GLDC: variants seen among roughly 807,000 people sequenced by gnomAD.
The protein encoded by GLDC is glycine decarboxylase, also known as glycine dehydrogenase (decarboxylating), mitochondrial.
A neutral mutation model predicts 121.3 loss-of-function variants in GLDC; 104 were observed. The observed-to-expected ratio is 0.86, with a 90% CI of 0.73 to 1.01. GLDC has a LOEUF of 1.01. Ranked by LOEUF, GLDC falls within the 50% of genes least tolerant of loss-of-function variation. The probability of loss-of-function intolerance (pLI) is 0.00; values close to 1 mark genes in which losing one functional copy is unlikely to be tolerated. For synonymous variants in GLDC, 546 were observed against 480.6 expected (o/e 1.14, Z -1.78); for missense variants, 1,429 against 1,306.6 (o/e 1.09, Z -1.44).
Position 6,532,873 on chromosome 9 carries a change from C to A in GLDC, c.*144G>T, listed in dbSNP as rs1265217965. 4.0e-6 allele frequency: 3 copies of A among 747,074 alleles called. No homozygotes were observed. The highest frequency in any genetic ancestry group is 1.7e-5 in the African/African-American group (1 of 58,106). 46.3% of individuals were successfully genotyped at this position (747,074 alleles called of 1,614,324 possible). A position where few individuals can be genotyped will look rare whatever the true frequency, so the allele number is the denominator to read the frequency against. On this transcript the variant is annotated 3_prime_UTR_variant, in exon 25 of 25. Coordinates refer to ENST00000321612, the MANE Select transcript of GLDC (RefSeq NM_000170.3). ...CGACTCCCTCCAGCTACTGTATTTA[C>A]ATTTACCTTGACAGAGATTACAGAG...
rs531554185 is a variant in GLDC at position 6,645,122 on chromosome 9, G to A, written c.255+123C>T. The A allele has an allele frequency of 1.2e-5, 12 of 1,001,736 alleles. No individual in the cohort carries two copies. In the South Asian group the frequency reaches 1.9e-4, roughly 16 times the overall value. 62.1% of individuals were successfully genotyped at this position (1,001,736 alleles called of 1,614,324 possible). On this transcript the variant is annotated intron_variant, in intron 1 of 24. Coordinates refer to ENST00000321612, the MANE Select transcript of GLDC (RefSeq NM_000170.3). ...GAATTTGCTTCCACGCCACGGCCCG[G>A]GACCCAGGGTGCGGGGACCACGCGG...
In GLDC at chr9:6,532,948, A is replaced by C; in HGVS notation, c.*69T>G. 8.8e-7 allele frequency: 1 copy of C among 1,142,824 alleles called. No homozygotes were observed. Among genetic ancestry groups the C allele is most frequent in the South Asian group, 1.2e-5 (1 of 81,246 alleles). 70.8% of individuals were successfully genotyped at this position (1,142,824 alleles called of 1,614,324 possible). On this transcript the variant is annotated 3_prime_UTR_variant, in exon 25 of 25. Transcript: ENST00000321612. ...ACTTGAGGCTGGGGTGGGAGATGAAATCTTTCTTGCTTATCAAATGCTCTG... is the reference window on the plus strand; with the variant it reads ...ACTTGAGGCTGGGGTGGGAGATGAACTCTTTCTTGCTTATCAAATGCTCTG...
At chr9:6,604,035 T>A (rs535336353) in intron 7 of GLDC, among the ~76,000 whole-genome samples, 6 of 151,992 alleles carry the variant, frequency 3.9e-5, no homozygotes, top group Non-Finnish European at 8.8e-5. Flanking sequence ...GCCCTTTTTT[T>A]CTTTTCTTTT....
chr9:6,582,066 C>T (rs1453776556), intron 15 of GLDC, among the ~76,000 whole-genome samples: 1 of 148,906 alleles, frequency 6.7e-6, no homozygotes, highest in African/African-American at 2.5e-5. Context: ...AATACAAAAA[C>T]TAGTCAGGTG....
chr9:6,543,720 C>A (rs1324277027), intron 21 of GLDC, among the ~76,000 whole-genome samples: 1 of 152,170 alleles, frequency 6.6e-6, no homozygotes, highest in African/African-American at 2.4e-5. Flanking sequence ...ATGTTCTTTG[C>A]AGCTTTTAGG....
chr9:6,569,850 T>C (rs1298496989), intron 15 of GLDC, among the ~76,000 whole-genome samples: 1 of 151,474 alleles, frequency 6.6e-6, no homozygotes, highest in Non-Finnish European at 1.5e-5. Context: ...GTGGTGTGCA[T>C]CTGTAATCCC....
chr9:6,582,640 T>C (rs1162844283), intron 15 of GLDC, among the ~76,000 whole-genome samples: 4 of 151,458 alleles, frequency 2.6e-5, no homozygotes, highest in African/African-American at 7.3e-5. Context: ...CCATCCTGGC[T>C]AACACGGTGA....
chr9:6,584,960 G>T (rs1818239642), intron 15 of GLDC: 1 of 152,244 alleles, frequency 6.6e-6, no homozygotes, highest in Non-Finnish European at 1.5e-5. Flanking sequence ...GGGAAAAACA[G>T]CGGAGAAATG....
At chr9:6,628,328 A>AT (rs921925315) in intron 2 of GLDC, among the ~76,000 whole-genome samples, 7 of 152,078 alleles carry the variant, frequency 4.6e-5, no homozygotes, top group African/African-American at 1.7e-4. Flanking sequence ...AGAAAACTAG[A>AT]TTTTCCCCCC....
chr9:6,639,311 A>G (rs879283300), intron 2 of GLDC: 26 of 928,552 alleles, frequency 2.8e-5, no homozygotes, highest in Middle Eastern at 2.5e-4. Flanking sequence ...CTCCAGAGAC[A>G]GCCCAAATAT....
rs150365649 is a variant in GLDC, at chr9:6,639,669, GTATATA to G, written c.334+4939_334+4944del. ...TATATCTTTTCACCATAAAAAAAAA[GTATATA>G]TATATATATATATGGACAAAACAGA... is the stretch of plus-strand genomic sequence containing the variant. On this transcript the variant is annotated intron_variant, in intron 2 of 24. Coordinates refer to ENST00000321612, the MANE Select transcript of GLDC (RefSeq NM_000170.3). 91 of 227,286 alleles carry G rather than the reference GTATATA, an allele frequency of 4.0e-4. 7 individuals carry two copies. The highest frequency in any genetic ancestry group is 2.0e-3 in the African/African-American group (61 of 30,690). The allele number at this position is 227,286 out of a possible 1,614,324, so 14.1% of individuals were successfully genotyped here.
At chr9:6,643,542 T>A (rs1036062147) in intron 2 of GLDC, among the ~76,000 whole-genome samples, 4 of 151,266 alleles carry the variant, frequency 2.6e-5, no homozygotes, top group Non-Finnish European at 4.4e-5. Context: ...AGATTTTTTT[T>A]AAGAGCTCAG....
intron 15 of GLDC, among the ~76,000 whole-genome samples, chr9:6,568,462 T>C (rs1233363756): frequency 6.6e-6 from 1 of 152,140 alleles, no homozygotes; most frequent in Non-Finnish European, 1.5e-5. Context: ...AATGAAGTAG[T>C]GAATGGTCTG....
intron 14 of GLDC, among the ~76,000 whole-genome samples, 173 bp downstream of exon 14, chr9:6,588,228 G>A (rs958879652): frequency 1.3e-5 from 2 of 152,068 alleles, no homozygotes; most frequent in African/African-American, 2.4e-5. Context: ...TGATGAAGTC[G>A]TGAGAAATAC....
At position 6,550,820 on chromosome 9, in the gene GLDC, A is replaced by G. The variant is rs753948580; in HGVS notation, c.2552T>C (p.Leu851Pro). The stretch of plus-strand genomic sequence containing the variant: ...ATACTTGCCTCTTGCACCCCTGAAA[A>G]GAATTCTGTAGTGTGTTTCTAATCG... ...AKRLETHYRI[L>P]FRGARGYVGH... The change falls in exon 21 of 25, where the codon CTT becomes CCT. Residue 851 changes from leucine (L) to proline (P), a missense_variant. Coordinates refer to ENST00000321612, the MANE Select transcript of GLDC (RefSeq NM_000170.3). 13 of 1,611,374 alleles carry G rather than the reference A, an allele frequency of 8.1e-6. No individual in the cohort carries two copies. The highest frequency in any genetic ancestry group is 3.4e-6 in the Non-Finnish European group (4 of 1,177,612).
rs577906178 is a variant in GLDC at position 6,556,145 on chromosome 9, G to T, written c.2202+8C>A. 4.3e-6 allele frequency: 7 copies of T among 1,609,454 alleles called. No individual in the cohort carries two copies. The African/African-American group carries it at 8.0e-5, about 18-fold the overall frequency. ...TGGGAACTAAGGGCGGGCCTCTTCA[G>T]TTCCCACCTGAGCATTCATATTTGC... On this transcript the variant is annotated splice_region_variant and intron_variant, in intron 18 of 24. Coordinates refer to ENST00000321612, the MANE Select transcript of GLDC (RefSeq NM_000170.3).
chr9:6,575,294 C>T (rs1179299185), intron 15 of GLDC, among the ~76,000 whole-genome samples: 1 of 151,932 alleles, frequency 6.6e-6, no homozygotes, highest in Non-Finnish European at 1.5e-5. Flanking sequence ...CTGGTTTGTG[C>T]AGTAGGTAGG....
chr9:6,588,241 G>A (rs917109605), intron 14 of GLDC, among the ~76,000 whole-genome samples, 160 bp downstream of exon 14: 1 of 151,982 alleles, frequency 6.6e-6, no homozygotes, highest in African/African-American at 2.4e-5. Context: ...AGAAATACAG[G>A]GTTACTCCCA....
intron 16 of GLDC, among the ~76,000 whole-genome samples, chr9:6,559,806 C>T (rs986092276): frequency 6.6e-6 from 1 of 151,702 alleles, no homozygotes; most frequent in Non-Finnish European, 1.5e-5. Context: ...CAGAGCAAGA[C>T]TCCGTCTCAA....
Sources: gnomAD v4.1 joint callset for allele counts (sites outside exome capture counted in the v4.1 genomes callset) on GRCh38, gnomAD v4.1.1 for gene constraint, MANE v1.5 for transcripts, NCBI Gene and HGNC (gene_info 2026-07-23, HGNC 2026-07-21) for gene names.